The following STK32B variants were observed in gnomAD, a reference collection of about 807,000 sequenced individuals.
STK32B encodes serine/threonine-protein kinase 32B.
Under a neutral mutation model 52.6 loss-of-function variants are expected in STK32B, and 43 were observed. The observed-to-expected ratio is 0.82, with a 90% CI of 0.64 to 1.05. The LOEUF is 1.05. Ranked by LOEUF, STK32B falls within the 50% of genes least tolerant of loss-of-function variation. The pLI is 0.00. For synonymous variants in STK32B, 238 were observed against 204.3 expected, an observed-to-expected ratio of 1.17 and a Z score of -1.41; for missense variants, 621 against 534.6, an observed-to-expected ratio of 1.16 and a Z score of -1.59.
chr4:5,411,032 C>G (rs1006720296), intron 5 of STK32B, among the ~76,000 whole-genome samples: 36 of 151,968 alleles, frequency 2.4e-4, no homozygotes, highest in African/African-American at 8.4e-4. Flanking sequence ...CCTAAAGGCC[C>G]CATCTCTTTT....
intron 6 of STK32B, among the ~76,000 whole-genome samples, chr4:5,432,066 GT>G (rs1713632968): frequency 1.3e-5 from 2 of 152,178 alleles, no homozygotes; most frequent in Non-Finnish European, 2.9e-5. Context: ...GCTTACATCT[GT>G]TGAGAACTTA....
chr4:5,191,753 A>G (rs986602695), intron 3 of STK32B, among the ~76,000 whole-genome samples: 1 of 152,188 alleles, frequency 6.6e-6, no homozygotes, highest in Non-Finnish European at 1.5e-5. Context: ...GTGGAGATAG[A>G]TCACTCAGAC....
At chr4:5,083,603 G>T (rs907677593) in intron 1 of STK32B, among the ~76,000 whole-genome samples, 5 of 152,160 alleles carry the variant, frequency 3.3e-5, no homozygotes, top group Non-Finnish European at 7.3e-5. Flanking sequence ...AACTATTAAA[G>T]GCTAGAATTA....
the STK32B span, among the ~76,000 whole-genome samples, chr4:5,030,174 C>T: frequency 1.3e-5 from 2 of 152,166 alleles, no homozygotes; most frequent in Non-Finnish European, 2.9e-5. Context: ...GACTAATACA[C>T]ACAGCAACTC....
At chr4:5,477,853 G>T (rs1360738680) in intron 11 of STK32B, among the ~76,000 whole-genome samples, 4 of 152,186 alleles carry the variant, frequency 2.6e-5, no homozygotes, top group African/African-American at 9.7e-5. Flanking sequence ...AGGGGCCAGA[G>T]TGTGTGGTGA....
At chr4:5,368,648 A>G (rs1735030667) in intron 4 of STK32B, among the ~76,000 whole-genome samples, 1 of 152,222 alleles carries the variant, frequency 6.6e-6, no homozygotes, top group Non-Finnish European at 1.5e-5. Flanking sequence ...CTCATCTCTC[A>G]TGAGTCATGA....
chr4:5,249,480 T>C (rs57455488), intron 3 of STK32B, among the ~76,000 whole-genome samples: 1 of 146,860 alleles, frequency 6.8e-6, no homozygotes. Context: ...CCTTCCTTCC[T>C]TCCTTCCTTC....
intron 1 of STK32B, among the ~76,000 whole-genome samples, chr4:5,109,509 G>A (rs56401517): frequency 0.19 from 29,496 of 152,114 alleles, 2,888 homozygotes; most frequent in South Asian, 0.23. Context: ...TAGGAGCAAG[G>A]ACCGTGTGAT....
chr4:5,220,277 G>A (rs1723441627), intron 3 of STK32B, among the ~76,000 whole-genome samples: 1 of 152,198 alleles, frequency 6.6e-6, no homozygotes. Flanking sequence ...CAGGCACGAT[G>A]ATACATACTA....
chr4:5,307,935 G>A (rs555697221), intron 3 of STK32B, among the ~76,000 whole-genome samples: 1 of 150,184 alleles, frequency 6.7e-6, no homozygotes, highest in Admixed American at 6.6e-5. Context: ...ACCAGGCTCT[G>A]GGCTGGTACT....
chr4:5,129,273 C>A (rs1042141023), intron 1 of STK32B, among the ~76,000 whole-genome samples: 4 of 152,094 alleles, frequency 2.6e-5, no homozygotes, highest in African/African-American at 9.7e-5. Flanking sequence ...CAGTTCTTGC[C>A]CTGCTCACTG....
chr4:5,136,567 C>A (rs1407483093), intron 1 of STK32B, among the ~76,000 whole-genome samples: 1 of 152,116 alleles, frequency 6.6e-6, no homozygotes, highest in African/African-American at 2.4e-5. Flanking sequence ...GCAGAACTTC[C>A]CGTACTAAAA....
chr4:5,481,446 G>C (rs565533968), intron 11 of STK32B, among the ~76,000 whole-genome samples: 1 of 151,804 alleles, frequency 6.6e-6, no homozygotes, highest in African/African-American at 2.4e-5. Context: ...TTTTTTTCTT[G>C]TAAATTTGTT....
At chr4:5,122,365 CTCATTCACTCATTCAT>C (rs1297016641) in intron 1 of STK32B, among the ~76,000 whole-genome samples, 6 of 80,444 alleles carry the variant, frequency 7.5e-5, no homozygotes, top group African/African-American at 2.5e-4. Flanking sequence ...CACTTGTTCA[CTCATTCACTCATTCAT>C]TCACTCACTC....
rs544510241 is a variant in STK32B, at chr4:5,097,240, G to A, written c.53-42665G>A. On this transcript the variant is annotated intron_variant, in intron 1 of 11. Transcript: ENST00000282908. Reference sequence around the variant, plus strand: ...GCCTGTTTGATTTCTGCCATAAATGGATGTGGACATGCTTCATTCATGTTT... The same window carrying A: ...GCCTGTTTGATTTCTGCCATAAATGAATGTGGACATGCTTCATTCATGTTT... Among the ~76,000 whole-genome samples the A allele has an allele frequency of 3.9e-5, 6 of 152,312 alleles. No homozygotes were observed. The East Asian group carries it at 1.2e-3, about 29-fold the overall frequency.
intron 1 of STK32B, among the ~76,000 whole-genome samples, chr4:5,103,802 G>T (rs1713954206): frequency 6.6e-6 from 1 of 152,064 alleles, no homozygotes; most frequent in African/African-American, 2.4e-5. Context: ...CATTATTTTT[G>T]CCAGTACGAT....
Position 5,333,038 on chromosome 4 carries a change from A to G in STK32B, c.434+1645A>G, listed in dbSNP as rs182525117. Among the ~76,000 whole-genome samples the G allele has an allele frequency of 3.1e-3, 479 of 152,150 alleles. 1 individual carries two copies. Among genetic ancestry groups the G allele is most frequent in the African/African-American group, 0.01 (426 of 41,484 alleles). ...TAATGGGATGGCTGGGTCAAATGGT[A>G]TTTCTAGTTCTGGATCCCTGAGGAA... is the stretch of plus-strand genomic sequence containing the variant. On this transcript the variant is annotated intron_variant, in intron 4 of 11. Transcript: ENST00000282908.
intron 3 of STK32B, among the ~76,000 whole-genome samples, chr4:5,258,346 C>G (rs1726472698): frequency 6.6e-6 from 1 of 152,094 alleles, no homozygotes; most frequent in African/African-American, 2.4e-5. Flanking sequence ...GGTTTGGAGA[C>G]AATTATGAGA....
At chr4:5,482,174 G>C (rs1718771978) in intron 11 of STK32B, among the ~76,000 whole-genome samples, 1 of 152,134 alleles carries the variant, frequency 6.6e-6, no homozygotes, top group Non-Finnish European at 1.5e-5. Flanking sequence ...ATTACCTTGG[G>C]CAGTATGGCC....
Sources: allele counts gnomAD v4.1 joint callset (sites outside exome capture counted in the v4.1 genomes callset), GRCh38; gene constraint gnomAD v4.1.1; transcripts MANE v1.5; gene names NCBI Gene and HGNC (gene_info 2026-07-23, HGNC 2026-07-21).